HCRTR2: variants seen among roughly 807,000 people sequenced by gnomAD.
HCRTR2 encodes the protein hypocretin receptor 2.
HCRTR2 carries 22 observed loss-of-function variants against 49.0 expected under a neutral mutation model. The observed-to-expected ratio is 0.45, with a 90% CI of 0.32 to 0.64. HCRTR2 has a LOEUF of 0.64. Among genes scored for constraint, HCRTR2 ranks in the 30% least tolerant of loss-of-function variants. HCRTR2 has a pLI of 0.04. For synonymous variants in HCRTR2, 236 were observed against 205.3 expected (o/e 1.15, Z -1.28); for missense variants, 491 against 559.4 (o/e 0.88, Z 1.23).
chr6:55,158,679 A>G (rs542107168), intron 1 of HCRTR2, among the ~76,000 whole-genome samples: 1 of 152,348 alleles, frequency 6.6e-6, no homozygotes, highest in African/African-American at 2.4e-5. Flanking sequence ...CAGTGTAAAC[A>G]AAGCCACTGG....
At chr6:55,224,745 A>AGAG (rs1440638403) in intron 1 of HCRTR2, among the ~76,000 whole-genome samples, 1 of 152,228 alleles carries the variant, frequency 6.6e-6, no homozygotes, top group African/African-American at 2.4e-5. Context: ...AAACATGTTA[A>AGAG]GAGGAACAAG....
intron 1 of HCRTR2, among the ~76,000 whole-genome samples, chr6:55,139,323 G>A (rs528943887): frequency 4.9e-4 from 75 of 152,266 alleles, no homozygotes; most frequent in African/African-American, 1.7e-3. Flanking sequence ...CTAAAGAATA[G>A]ACTAAAATAA....
chr6:55,252,630 T>G (rs1766574018), intron 2 of HCRTR2, among the ~76,000 whole-genome samples: 1 of 151,888 alleles, frequency 6.6e-6, no homozygotes, highest in Admixed American at 6.6e-5. Context: ...AGAAAGAGAG[T>G]TGAAGGTACC....
intron 1 of HCRTR2, among the ~76,000 whole-genome samples, chr6:55,135,248 A>C (rs1764417931): frequency 1.3e-5 from 2 of 152,114 alleles, no homozygotes; most frequent in Non-Finnish European, 2.9e-5. Flanking sequence ...GTATCCAGCA[A>C]AACACTTAGA....
At chr6:55,114,166 T>A (rs1764086480) in intron 1 of HCRTR2, among the ~76,000 whole-genome samples, 1 of 151,692 alleles carries the variant, frequency 6.6e-6, no homozygotes, top group African/African-American at 2.4e-5. Flanking sequence ...ACAGATTGGG[T>A]ACAGTGCACA....
At chr6:55,194,870 G>C (rs1341169111) in intron 1 of HCRTR2, among the ~76,000 whole-genome samples, 1 of 147,282 alleles carries the variant, frequency 6.8e-6, no homozygotes, top group East Asian at 2.1e-4. Context: ...TTGGCCTCTT[G>C]TATTGTTATA....
intron 1 of HCRTR2, among the ~76,000 whole-genome samples, chr6:55,147,776 T>C (rs1764614879): frequency 6.6e-6 from 1 of 152,214 alleles, no homozygotes. Flanking sequence ...GTTGATTGTA[T>C]CTTACATGAC....
intron 1 of HCRTR2, among the ~76,000 whole-genome samples, chr6:55,207,762 T>G (rs1765626799): frequency 3.9e-5 from 6 of 152,176 alleles, no homozygotes; most frequent in Admixed American, 3.9e-4. Context: ...TCAAGGTGAC[T>G]GATAAAGTTT....
Position 55,275,067 on chromosome 6 carries a change from T to C in HCRTR2, c.763-2313T>C, listed in dbSNP as rs796197362. ...CATGTAAGTTGGCAAATTCATTGTT[T>C]ATTCATAATGTTTTTAATGTTTGTA... On this transcript the variant is annotated intron_variant, in intron 4 of 6. Coordinates refer to ENST00000370862, the MANE Select transcript of HCRTR2 (RefSeq NM_001384272.1). Among the ~76,000 whole-genome samples the C allele has an allele frequency of 5.3e-5, 8 of 152,172 alleles. No homozygotes were observed. In the South Asian group the frequency reaches 1.4e-3, roughly 28 times the overall value.
At chr6:55,113,004 A>C (rs1416768456) in intron 1 of HCRTR2, among the ~76,000 whole-genome samples, 1 of 152,070 alleles carries the variant, frequency 6.6e-6, no homozygotes, top group African/African-American at 2.4e-5. Flanking sequence ...TCTTCAACAA[A>C]GCAAACAAAA....
intron 1 of HCRTR2, among the ~76,000 whole-genome samples, chr6:55,207,156 T>C (rs539610954): frequency 3.8e-4 from 58 of 152,266 alleles, no homozygotes; most frequent in African/African-American, 1.4e-3. Context: ...TGCTATGCAT[T>C]GTAGCAAAGT....
chr6:55,198,916 T>C (rs1765463407), intron 1 of HCRTR2, among the ~76,000 whole-genome samples: 1 of 152,308 alleles, frequency 6.6e-6, no homozygotes, highest in Non-Finnish European at 1.5e-5. Flanking sequence ...TGTGGCAAGA[T>C]GAAATGGCCT....
intron 1 of HCRTR2, among the ~76,000 whole-genome samples, chr6:55,241,763 C>T (rs1213603434): frequency 6.6e-6 from 1 of 151,230 alleles, no homozygotes; most frequent in African/African-American, 2.4e-5. Context: ...TAAGATTATC[C>T]CTAGGCATTT....
intron 1 of HCRTR2, among the ~76,000 whole-genome samples, chr6:55,244,123 A>G (rs1766386635): frequency 6.6e-6 from 1 of 152,026 alleles, no homozygotes; most frequent in South Asian, 2.1e-4. Flanking sequence ...TTTACGGGAA[A>G]CATTATAAGG....
intron 1 of HCRTR2, among the ~76,000 whole-genome samples, chr6:55,190,118 G>A (rs1285908355): frequency 4.6e-5 from 7 of 152,142 alleles, no homozygotes; most frequent in Non-Finnish European, 1.0e-4. Flanking sequence ...AAGCATACAA[G>A]GGAATGTAAA....
chr6:55,174,455 T>C, upstream of HCRTR2: 1 of 810,786 alleles, frequency 1.2e-6, no homozygotes, highest in Non-Finnish European at 2.1e-6. Flanking sequence ...GCTCAGTAAC[T>C]TTTCACGTCA....
chr6:55,187,680 ATCT>A (rs1267634237), intron 1 of HCRTR2, among the ~76,000 whole-genome samples: 43 of 72,558 alleles, frequency 5.9e-4, no homozygotes, highest in Admixed American at 8.0e-4. Context: ...CTATTATTTG[ATCT>A]TTTTTTTTTT....
intron 1 of HCRTR2, among the ~76,000 whole-genome samples, chr6:55,116,603 C>T (rs113861461): frequency 1.9e-4 from 29 of 149,452 alleles, no homozygotes; most frequent in African/African-American, 7.1e-4. Flanking sequence ...ACCTAGAATA[C>T]AATTGATCTA....
intron 1 of HCRTR2, among the ~76,000 whole-genome samples, chr6:55,208,043 T>A (rs1035277483): frequency 6.6e-6 from 1 of 152,180 alleles, no homozygotes; most frequent in African/African-American, 2.4e-5. Flanking sequence ...TGATATGACT[T>A]GAGATTTATA....
Sources: allele counts gnomAD v4.1 joint callset (sites outside exome capture counted in the v4.1 genomes callset), GRCh38; gene constraint gnomAD v4.1.1; transcripts MANE v1.5; gene names NCBI Gene and HGNC (gene_info 2026-07-23, HGNC 2026-07-21).